RNF17: variants seen among roughly 807,000 people sequenced by gnomAD.
The protein encoded by RNF17 is spermatogenesis associated 23.
A neutral mutation model predicts 200.5 loss-of-function variants in RNF17; 31 were observed. The ratio of observed to expected loss-of-function variants is 0.15; its 90% CI spans 0.12 to 0.21. RNF17 has a LOEUF of 0.21. Ranked by LOEUF, RNF17 falls within the 10% of genes least tolerant of loss-of-function variation. RNF17 has a pLI of 1.00. For missense variants in RNF17, 1,628 were observed against 1,905.1 expected (o/e 0.85, Z 2.71); for synonymous variants, 606 against 637.8 (o/e 0.95, Z 0.75).
At chr13:24,784,058 T>G (rs9581178) in intron 6 of RNF17, among the ~76,000 whole-genome samples, 29,841 of 152,134 alleles carry the variant, frequency 0.2, 3,183 homozygotes, top group South Asian at 0.32. Flanking sequence ...CTAGTTTGAG[T>G]GGTTTTATCA....
intron 2 of RNF17, among the ~76,000 whole-genome samples, chr13:24,772,901 G>A (rs1321523792): frequency 6.6e-6 from 1 of 151,966 alleles, no homozygotes; most frequent in African/African-American, 2.4e-5. Context: ...GTGAGCCACC[G>A]CCCCTGGTCG....
At chr13:24,846,298 C>A (rs1293857551) in intron 22 of RNF17, among the ~76,000 whole-genome samples, 1 of 152,122 alleles carries the variant, frequency 6.6e-6, no homozygotes, top group Non-Finnish European at 1.5e-5. Context: ...GTTTTTTGAA[C>A]TATGGCATAT....
At chr13:24,772,093 T>C (rs1880818368) in intron 2 of RNF17, among the ~76,000 whole-genome samples, 1 of 152,232 alleles carries the variant, frequency 6.6e-6, no homozygotes, top group Non-Finnish European at 1.5e-5. Flanking sequence ...TTAAGAATGA[T>C]TGGCTGATTT....
chr13:24,873,185 T>G (rs1894479682), intron 32 of RNF17, among the ~76,000 whole-genome samples: 1 of 90,802 alleles, frequency 1.1e-5, no homozygotes, highest in Admixed American at 1.0e-4. Flanking sequence ...TAGAAGAGAC[T>G]AGGGGAGTAT....
downstream of RNF17, chr13:24,882,314 G>A (rs1485077843): frequency 6.6e-6 from 1 of 150,598 alleles, no homozygotes; most frequent in African/African-American, 2.4e-5. Context: ...ATTCAGTTAA[G>A]TCACCTGGAA....
chr13:24,767,394 C>A, intron 2 of RNF17, 28 bp downstream of exon 2: 3 of 1,343,134 alleles, frequency 2.2e-6, no homozygotes, highest in Non-Finnish European at 3.2e-6. Context: ...TCAGATGAAA[C>A]ATATCACAAC....
intron 5 of RNF17, among the ~76,000 whole-genome samples, chr13:24,780,058 T>G (rs1401016122): frequency 6.6e-6 from 1 of 152,180 alleles, no homozygotes; most frequent in Non-Finnish European, 1.5e-5. Flanking sequence ...TGTATCCCCC[T>G]TAGTGAGTCT....
chr13:24,884,594 T>C, downstream of RNF17: 1 of 881,822 alleles, frequency 1.1e-6, no homozygotes. Context: ...GATCCTTTAT[T>C]TCGTGAGGAG....
chr13:24,862,611 T>G (rs1893209469), intron 27 of RNF17, 102 bp from the exon 28 acceptor site: 1 of 706,792 alleles, frequency 1.4e-6, no homozygotes, highest in Non-Finnish European at 2.6e-6. Context: ...TGTACTACTA[T>G]CTGATATTAT....
At chr13:24,886,737 C>T in the RNF17 span, among the ~76,000 whole-genome samples, 9 of 152,148 alleles carry the variant, frequency 5.9e-5, no homozygotes, top group Non-Finnish European at 1.2e-4. Flanking sequence ...CTCATAACCA[C>T]CTTTAGAGAA....
chr13:24,802,409 T>A lies in RNF17; in HGVS notation c.1787T>A (p.Val596Glu), dbSNP rs571574749. The stretch of plus-strand genomic sequence containing the variant: ...GAAGGCTGGGAAGAGGAAGCTAAAG[T>A]GGAATTTTTGAAAATGGTAAATAAC... ...SNEGWEEEAK[V>E]EFLKMVNNKA... The change falls in exon 14 of 36, where the codon GTG (valine) becomes GAG (glutamate). Residue 596 changes from valine (V) to glutamate (E), a missense_variant. Coordinates refer to ENST00000255324, the MANE Select transcript of RNF17 (RefSeq NM_031277.3). 1 of 1,613,124 alleles carries A rather than the reference T, an allele frequency of 6.2e-7. No individual in the cohort carries two copies. Among genetic ancestry groups the A allele is most frequent in the South Asian group, 1.1e-5 (1 of 90,738 alleles).
the RNF17 span, among the ~76,000 whole-genome samples, chr13:24,748,701 G>C: frequency 3.9e-5 from 6 of 151,934 alleles, no homozygotes; most frequent in African/African-American, 1.5e-4. Flanking sequence ...CCTCATAAGT[G>C]TAATAAGAAC....
chr13:24,864,310 G>A (rs529020631), intron 28 of RNF17, among the ~76,000 whole-genome samples: 1 of 152,262 alleles, frequency 6.6e-6, no homozygotes, highest in African/African-American at 2.4e-5. Context: ...ATTCAGTGAG[G>A]AGCAGTAAAA....
At chr13:24,850,977 C>CT (rs1891821912) in intron 23 of RNF17, among the ~76,000 whole-genome samples, 2 of 152,240 alleles carry the variant, frequency 1.3e-5, no homozygotes, top group Admixed American at 1.3e-4. Context: ...AAATAACTCT[C>CT]TGTTCCACTC....
intron 6 of RNF17, among the ~76,000 whole-genome samples, chr13:24,785,840 C>T (rs965917807): frequency 1.3e-5 from 2 of 152,054 alleles, no homozygotes; most frequent in African/African-American, 4.8e-5. Flanking sequence ...TTTGTGGAGC[C>T]ACCCCAGCTT....
At chr13:24,752,069 C>G in the RNF17 span, 1 of 152,364 alleles carries the variant, frequency 6.6e-6, no homozygotes, top group East Asian at 1.9e-4. Context: ...CATCATTGTT[C>G]AGCACTTCAA....
At chr13:24,755,299 T>C in the RNF17 span, among the ~76,000 whole-genome samples, 1 of 152,230 alleles carries the variant, frequency 6.6e-6, no homozygotes, top group Non-Finnish European at 1.5e-5. Context: ...GCTGTCTTTT[T>C]AAATGTTTTG....
At chr13:24,759,079 CAAAAAA>C in the RNF17 span, among the ~76,000 whole-genome samples, 1 of 65,368 alleles carries the variant, frequency 1.5e-5, no homozygotes, top group African/African-American at 6.3e-5. Context: ...ACTGTGTCTC[CAAAAAA>C]AAAAAAAAAA....
At chr13:24,770,462 C>G (rs2137472658) in intron 2 of RNF17, among the ~76,000 whole-genome samples, 1 of 152,232 alleles carries the variant, frequency 6.6e-6, no homozygotes, top group Non-Finnish European at 1.5e-5. Context: ...TGTCCTGCAT[C>G]AAATCTGCTG....
Sources: allele counts gnomAD v4.1 joint callset (sites outside exome capture counted in the v4.1 genomes callset), GRCh38; gene constraint gnomAD v4.1.1; transcripts MANE v1.5; gene names NCBI Gene and HGNC (gene_info 2026-07-23, HGNC 2026-07-21).